The following HPS4 variants were observed in gnomAD, a reference collection of about 807,000 sequenced individuals.
HPS4 encodes the protein BLOC-3 complex member HPS4.
A neutral mutation model predicts 70.3 loss-of-function variants in HPS4; 44 were observed. That is an observed-to-expected ratio of 0.63 (90% CI 0.49 to 0.80). The LOEUF is 0.80. Ranked by LOEUF, HPS4 falls within the 30% of genes least tolerant of loss-of-function variation. HPS4 has a pLI of 0.00. For missense variants in HPS4, 873 were observed against 884.4 expected (o/e 0.99, Z 0.16); for synonymous variants, 377 against 355.9 (o/e 1.06, Z -0.67).
intron 11 of HPS4, among the ~76,000 whole-genome samples, chr22:26,462,940 G>A (rs1436264454): frequency 2.0e-5 from 3 of 152,240 alleles, no homozygotes; most frequent in South Asian, 2.1e-4. Context: ...GGAAGCTGCT[G>A]TGCAGTCTTA....
At chr22:26,462,545 A>C (rs761632164) in intron 11 of HPS4, among the ~76,000 whole-genome samples, 3 of 152,238 alleles carry the variant, frequency 2.0e-5, no homozygotes, top group Admixed American at 6.5e-5. Flanking sequence ...GATGCGAAGT[A>C]TTTCACATAT....
chr22:26,459,009 C>T (rs890992816), intron 11 of HPS4, among the ~76,000 whole-genome samples: 1 of 152,192 alleles, frequency 6.6e-6, no homozygotes, highest in South Asian at 2.1e-4. Context: ...ATTTCACCAT[C>T]CAGTAATAGC....
At chr22:26,483,817 C>A (rs886057324), upstream of HPS4, 9 of 1,201,600 alleles carry the variant, frequency 7.5e-6, no homozygotes, top group African/African-American at 1.6e-5. Flanking sequence ...CCTACCTCCC[C>A]CTCCAGCTCC....
At chr22:26,466,578 C>T (rs895845856) in intron 8 of HPS4, 3 of 489,378 alleles carry the variant, frequency 6.1e-6, no homozygotes, top group Admixed American at 3.3e-5. Context: ...GATTCCTGTT[C>T]TCTTTTACAC....
rs137901374 is a variant in HPS4, at chr22:26,479,457, T to C, written c.42-102A>G. 2.5e-4 allele frequency: 389 copies of C among 1,534,262 alleles called. 1 individual carries two copies. The African/African-American group carries it at 4.6e-3, about 18-fold the overall frequency. On this transcript the variant is annotated intron_variant, in intron 2 of 13. Transcript: ENST00000398145. ...CCAGCCCGAGGAGGGCTTATTACTG[T>C]GTTTGAAAGCCTTCAGGTGGCCCCA...
In HPS4 at chr22:26,479,370, G is replaced by A. The variant is rs1403417430; in HGVS notation, c.42-15C>T. 1.2e-6 allele frequency: 2 copies of A among 1,613,390 alleles called. No homozygotes were observed. Among genetic ancestry groups the A allele is most frequent in the Non-Finnish European group, 1.7e-6 (2 of 1,179,666 alleles). Reference sequence around the variant, plus strand: ...AATAATTCCACCTGGCAAGAGAACAGAGTGGAGCCATGTTTCCTTTAATCC... The same window carrying A: ...AATAATTCCACCTGGCAAGAGAACAAAGTGGAGCCATGTTTCCTTTAATCC... On this transcript the variant is annotated splice_polypyrimidine_tract_variant and intron_variant, in intron 2 of 13. Transcript: ENST00000398145.
chr22:26,479,308 CCTT>C lies in HPS4; in HGVS notation c.86_88del (p.Glu29del). ...ACAAATGCCAGCTCTTGTTGGATCGCCTTCTTCCTTTACCTTGGAACCATCATA... is the reference window on the plus strand; with the variant it reads ...ACAAATGCCAGCTCTTGTTGGATCGCCTTCCTTTACCTTGGAACCATCATA... On this transcript the variant is annotated inframe_deletion, in exon 3 of 14. Coordinates refer to ENST00000398145, the MANE Select transcript of HPS4 (RefSeq NM_022081.6). 6.2e-7 allele frequency: 1 copy of C among 1,614,116 alleles called. No homozygotes were observed. Among genetic ancestry groups the C allele is most frequent in the Non-Finnish European group, 8.5e-7 (1 of 1,180,022 alleles).
rs1569065963 is a variant in HPS4 at position 26,464,688 on chromosome 22, A to T, written c.942T>A (p.Pro314=). ...MAWTTPDPTS[P]DEACPDGRKE... is the part of the protein sequence containing the mutation. ...TCCTGCCATCTGGACAAGCTTCGTC[A>T]GGGGATGTGGGATCTGGGGTGGTCC... Residue 314 remains proline (P), a synonymous_variant, in exon 11 of 14, where the codon CCT becomes CCA. Transcript: ENST00000398145. 2.5e-6 allele frequency: 4 copies of T among 1,609,500 alleles called. No homozygotes were observed. In the East Asian group the frequency reaches 8.9e-5, roughly 36 times the overall value.
chr22:26,452,295 T>C lies in HPS4; in HGVS notation c.*938A>G, dbSNP rs1225663191. 1 of 455,380 alleles carries C rather than the reference T, an allele frequency of 2.2e-6. No homozygotes were observed. The highest frequency in any genetic ancestry group is 4.4e-6 in the Non-Finnish European group (1 of 226,666). The allele number at this position is 455,380 out of a possible 1,614,324, so 28.2% of individuals were successfully genotyped here. On this transcript the variant is annotated 3_prime_UTR_variant, in exon 14 of 14. Coordinates refer to ENST00000398145, the MANE Select transcript of HPS4 (RefSeq NM_022081.6). ...TATTTTCATCCTGCAGTCTGTCTCATACTGTCAAAAAAATGTCTGACTATA... is the reference window on the plus strand; with the variant it reads ...TATTTTCATCCTGCAGTCTGTCTCACACTGTCAAAAAAATGTCTGACTATA...
At chr22:26,478,749 GTC>G (rs1346091248) in intron 3 of HPS4, among the ~76,000 whole-genome samples, 1 of 75,078 alleles carries the variant, frequency 1.3e-5, no homozygotes, top group East Asian at 4.0e-4. Flanking sequence ...CAATGGCGCA[GTC>G]TCTGCTCACT....
chr22:26,483,833 A>C (rs993145557), upstream of HPS4: 1 of 1,281,650 alleles, frequency 7.8e-7, no homozygotes, highest in Non-Finnish European at 9.9e-7. Flanking sequence ...GCTCCTGGCA[A>C]GCCGGCGCGC....
Position 26,472,896 on chromosome 22 carries a change from C to A in HPS4, c.320G>T (p.Arg107Leu), listed in dbSNP as rs138885334. 2.3e-4 allele frequency: 377 copies of A among 1,614,194 alleles called. No homozygotes were observed. In the African/African-American group the frequency reaches 4.6e-3, roughly 20 times the overall value. Residue 107 changes from arginine to leucine, a missense_variant, in exon 5 of 14, where the codon CGG becomes CTG. By Grantham distance (102) the Arg-to-Leu change is moderately radical (BLOSUM62 -2). Coordinates refer to ENST00000398145, the MANE Select transcript of HPS4 (RefSeq NM_022081.6). ...AVELPDVSCK[R>L]FLDQLVGFFN... ...GAATCCAACTAGCTGATCCAGAAACCGCTTGCAGCTGACATCAGGGAGCTC... is the reference window on the plus strand; with the variant it reads ...GAATCCAACTAGCTGATCCAGAAACAGCTTGCAGCTGACATCAGGGAGCTC...
downstream of HPS4, among the ~76,000 whole-genome samples, chr22:26,447,081 A>G (rs147870498): frequency 1.8e-4 from 28 of 152,336 alleles, no homozygotes; most frequent in African/African-American, 5.5e-4. Context: ...TTGCAAGACC[A>G]TAACATCCCC....
Position 26,481,990 on chromosome 22 carries a change from T to TA in HPS4, c.-229dup, listed in dbSNP as rs200535558. 9.0e-3 allele frequency: 5,071 copies of TA among 560,378 alleles called. 41 individuals carry two copies. The highest frequency in any genetic ancestry group is 0.012 in the Non-Finnish European group (3,724 of 310,836). 34.7% of individuals were successfully genotyped at this position (560,378 alleles called of 1,614,324 possible). On this transcript the variant is annotated 5_prime_UTR_variant, in exon 2 of 14. Transcript: ENST00000398145. ...GTTTCATGTATATTTCCATGCCTCT[T>TA]ACAACTCAGGGAGAAACTATAACAG...
Position 26,466,218 on chromosome 22 carries a change from C to CT in HPS4, c.706+7dup. 6.2e-7 allele frequency: 1 copy of CT among 1,614,180 alleles called. No individual in the cohort carries two copies. The highest frequency in any genetic ancestry group is 1.7e-5 in the Admixed American group (1 of 60,032). ...TCTCAAGAGGCAACCATGCGCCTCA[C>CT]TACTTACCATGTTCCTGCGGGGCAT... On this transcript the variant is annotated splice_region_variant and intron_variant, in intron 9 of 13. Coordinates refer to ENST00000398145, the MANE Select transcript of HPS4 (RefSeq NM_022081.6).
chr22:26,478,672 T>C (rs2090916607), intron 3 of HPS4, among the ~76,000 whole-genome samples: 1 of 152,146 alleles, frequency 6.6e-6, no homozygotes, highest in South Asian at 2.1e-4. Flanking sequence ...TGTATATGTT[T>C]GAATACAAAC....
chr22:26,478,544 C>G (rs370686757), intron 3 of HPS4, among the ~76,000 whole-genome samples: 1 of 127,838 alleles, frequency 7.8e-6, no homozygotes, highest in Admixed American at 9.5e-5. Flanking sequence ...GCACTCCACC[C>G]TGGGTGACAG....
In HPS4 at chr22:26,474,713, T is replaced by C. The variant is rs533236918; in HGVS notation, c.277-1774A>G. 6.6e-5 allele frequency among the ~76,000 whole-genome samples: 10 copies of C among 152,124 alleles called. No homozygotes were observed. In the East Asian group the frequency reaches 1.7e-3, roughly 26 times the overall value. On this transcript the variant is annotated intron_variant, in intron 4 of 13. Coordinates refer to ENST00000398145, the MANE Select transcript of HPS4 (RefSeq NM_022081.6). ...TGACAAAGAACTGGTATCTAGGATA[T>C]AAAAAGAACTACAATTCAATTAAAA...
intron 12 of HPS4, 25 bp downstream of exon 12, chr22:26,458,420 C>T (rs773058129): frequency 2.5e-6 from 4 of 1,614,040 alleles, no homozygotes; most frequent in South Asian, 2.2e-5. Flanking sequence ...TCCCCGTCGC[C>T]CCAGGCCCCT....
Sources: gnomAD v4.1 joint callset for allele counts (sites outside exome capture counted in the v4.1 genomes callset) on GRCh38, gnomAD v4.1.1 for gene constraint, MANE v1.5 for transcripts, NCBI Gene and HGNC (gene_info 2026-07-23, HGNC 2026-07-21) for gene names.